Variants in TGFBR3 observed in about 807,000 individuals in gnomAD.
TGFBR3 encodes transforming growth factor beta receptor type 3.
Under a neutral mutation model 87.9 loss-of-function variants are expected in TGFBR3, and 46 were observed. The observed-to-expected ratio is 0.52, with a 90% CI of 0.41 to 0.67. The LOEUF (loss-of-function observed/expected upper bound fraction) is 0.67, where lower values mean the gene tolerates loss of function less well. Ranked by LOEUF, TGFBR3 falls within the 30% of genes least tolerant of loss-of-function variation. TGFBR3 has a pLI of 0.00. For missense variants in TGFBR3, 866 were observed against 1,041.9 expected, an observed-to-expected ratio of 0.83 and a Z score of 2.32; for synonymous variants, 381 against 391.6, an observed-to-expected ratio of 0.97 and a Z score of 0.32.
At chr1:91,700,083 C>G (rs1671570407) in intron 14 of TGFBR3, among the ~76,000 whole-genome samples, 1 of 152,182 alleles carries the variant, frequency 6.6e-6, no homozygotes, top group Non-Finnish European at 1.5e-5. Context: ...TACATACTGT[C>G]TATGGCTGCT....
intron 1 of TGFBR3, among the ~76,000 whole-genome samples, chr1:91,868,614 T>A (rs1169076034): frequency 1.3e-5 from 2 of 152,206 alleles, no homozygotes; most frequent in African/African-American, 2.4e-5. Context: ...GGTCTGGCAC[T>A]GCCACCAAAC....
At chr1:91,725,469 T>C (rs1446445256) in intron 7 of TGFBR3, among the ~76,000 whole-genome samples, 2 of 152,186 alleles carry the variant, frequency 1.3e-5, no homozygotes, top group African/African-American at 2.4e-5. Context: ...TCTTCCAAAA[T>C]ATAAGGAGAT....
chr1:91,824,572 C>A (rs1571547216), intron 2 of TGFBR3, among the ~76,000 whole-genome samples: 1 of 152,296 alleles, frequency 6.6e-6, no homozygotes, highest in South Asian at 2.1e-4. Flanking sequence ...CCATTACACA[C>A]CCACTAGGAT....
At chr1:91,862,073 C>T in intron 1 of TGFBR3, 1 of 167,322 alleles carries the variant, frequency 6.0e-6, no homozygotes, top group Non-Finnish European at 1.3e-5. Context: ...CCAGGCTGGT[C>T]TTGAACTCCT....
intron 15 of TGFBR3, among the ~76,000 whole-genome samples, chr1:91,697,227 T>G (rs1926262): frequency 0.054 from 8,159 of 152,306 alleles, 310 homozygotes; most frequent in Admixed American, 0.11. Context: ...AAGATAGATA[T>G]GTGTCCATAT....
intron 13 of TGFBR3, among the ~76,000 whole-genome samples, chr1:91,711,674 G>A (rs1325986806): frequency 1.3e-5 from 2 of 152,170 alleles, no homozygotes; most frequent in Admixed American, 1.3e-4. Flanking sequence ...CCTATCAAAT[G>A]CATTCCACCA....
At chr1:91,688,530 C>T (rs868371720) in intron 16 of TGFBR3, among the ~76,000 whole-genome samples, 1 of 151,980 alleles carries the variant, frequency 6.6e-6, no homozygotes, top group East Asian at 1.9e-4. Flanking sequence ...TTAGGGTGAG[C>T]GTACTTAAAA....
Position 91,767,490 on chromosome 1 carries a change from A to G in TGFBR3, c.247-8740T>C, listed in dbSNP as rs747338755. Among the ~76,000 whole-genome samples, 9 of 133,622 alleles carry G rather than the reference A, an allele frequency of 6.7e-5. 2 individuals are homozygous for G. The highest frequency in any genetic ancestry group is 1.5e-4 in the Non-Finnish European group (9 of 60,842). The allele number at this position is 133,622 out of a possible 152,430, so 87.7% of individuals were successfully genotyped here. A position where few individuals can be genotyped will look rare whatever the true frequency, so the allele number is the denominator to read the frequency against. On this transcript the variant is annotated intron_variant, in intron 3 of 16. Transcript: ENST00000212355. ...CATCATCATCATCATCTCCTAAGGA[A>G]AGACAATAGGTAGATCCATGGCTCC...
At chr1:91,864,605 AAG>A (rs1678317143) in intron 1 of TGFBR3, among the ~76,000 whole-genome samples, 2 of 152,178 alleles carry the variant, frequency 1.3e-5, no homozygotes, top group South Asian at 4.1e-4. Flanking sequence ...AGTGTGGTGA[AAG>A]ATTCCCAAGG....
intron 14 of TGFBR3, among the ~76,000 whole-genome samples, chr1:91,698,510 ATT>A (rs1445365316): frequency 1.4e-5 from 2 of 139,940 alleles, no homozygotes; most frequent in Non-Finnish European, 3.1e-5. Context: ...CTTTCAAAAT[ATT>A]CTTTTTTTTT....
At chr1:91,784,158 A>G (rs1436839636) in intron 3 of TGFBR3, among the ~76,000 whole-genome samples, 1 of 152,222 alleles carries the variant, frequency 6.6e-6, no homozygotes, top group Admixed American at 6.5e-5. Context: ...TGCAGTTTAG[A>G]GTAAAAAATA....
At chr1:91,692,062 T>C (rs1451058241) in intron 16 of TGFBR3, among the ~76,000 whole-genome samples, 1 of 152,080 alleles carries the variant, frequency 6.6e-6, no homozygotes, top group African/African-American at 2.4e-5. Flanking sequence ...GGAAAGATAA[T>C]AATTAATTCT....
At chr1:91,847,830 C>T (rs544693333) in intron 2 of TGFBR3, among the ~76,000 whole-genome samples, 2 of 152,178 alleles carry the variant, frequency 1.3e-5, no homozygotes, top group South Asian at 2.1e-4. Flanking sequence ...GACCAATGAC[C>T]CCGCCCTCAG....
chr1:91,835,624 C>T (rs571667886), intron 2 of TGFBR3, among the ~76,000 whole-genome samples: 2 of 151,868 alleles, frequency 1.3e-5, no homozygotes, highest in African/African-American at 2.4e-5. Context: ...GTCAGGAGAT[C>T]GAGACCATCC....
At position 91,682,045 on chromosome 1, in the gene TGFBR3, G is replaced by GA. The variant is rs756338808; in HGVS notation, c.*1693dup. 3.4e-3 allele frequency: 1,168 copies of GA among 344,274 alleles called. 1 individual carries two copies. Among genetic ancestry groups the GA allele is most frequent in the South Asian group, 4.4e-3 (196 of 44,224 alleles). The allele number at this position is 344,274 out of a possible 1,614,324, so 21.3% of individuals were successfully genotyped here. The stretch of plus-strand genomic sequence containing the variant: ...TGTTTTAGTTAAAATGTTCCTTATT[G>GA]AAAAAAAAAAATGTTCCTTATTGAA... On this transcript the variant is annotated 3_prime_UTR_variant, in exon 17 of 17. Transcript: ENST00000212355.
intron 3 of TGFBR3, among the ~76,000 whole-genome samples, chr1:91,793,970 G>A (rs1675283939): frequency 6.6e-6 from 1 of 152,114 alleles, no homozygotes; most frequent in South Asian, 2.1e-4. Flanking sequence ...AAAAGCATTA[G>A]GTGAGTTTAA....
At chr1:91,804,654 C>T (rs974121490) in intron 2 of TGFBR3, among the ~76,000 whole-genome samples, 2 of 152,240 alleles carry the variant, frequency 1.3e-5, no homozygotes, top group East Asian at 1.9e-4. Flanking sequence ...CCATGGGGCC[C>T]GAGTATAGCA....
intron 1 of TGFBR3, among the ~76,000 whole-genome samples, chr1:91,874,150 A>T (rs1461306795): frequency 6.6e-6 from 1 of 152,142 alleles, no homozygotes; most frequent in East Asian, 1.9e-4. Flanking sequence ...TTATATAGAG[A>T]CCAATGCTAA....
intron 5 of TGFBR3, among the ~76,000 whole-genome samples, chr1:91,734,312 T>A (rs1672880463): frequency 6.6e-6 from 1 of 152,170 alleles, no homozygotes; most frequent in South Asian, 2.1e-4. Context: ...TTTGCTATTG[T>A]CCAAAATGTA....
Sources: allele counts gnomAD v4.1 joint callset (sites outside exome capture counted in the v4.1 genomes callset), GRCh38; gene constraint gnomAD v4.1.1; transcripts MANE v1.5; gene names NCBI Gene and HGNC (gene_info 2026-07-23, HGNC 2026-07-21).